The following NECTIN3 variants were observed in gnomAD, a reference collection of about 807,000 sequenced individuals.
The protein encoded by NECTIN3 is nectin-3.
Under a neutral mutation model 49.4 loss-of-function variants are expected in NECTIN3, and 8 were observed. The observed-to-expected ratio is 0.16, with a 90% CI of 0.10 to 0.29. NECTIN3 has a LOEUF of 0.29. Among genes scored for constraint, NECTIN3 ranks in the 10% least tolerant of loss-of-function variants. The probability of loss-of-function intolerance (pLI) is 1.00; values close to 1 mark genes in which losing one functional copy is unlikely to be tolerated. For synonymous variants in NECTIN3, 277 were observed against 241.1 expected (o/e 1.15, Z -1.38); for missense variants, 581 against 654.6 (o/e 0.89, Z 1.23).
intron 1 of NECTIN3, among the ~76,000 whole-genome samples, chr3:111,098,050 T>C (rs2032690948): frequency 6.6e-6 from 1 of 152,196 alleles, no homozygotes; most frequent in Non-Finnish European, 1.5e-5. Flanking sequence ...ATTCTTCCTT[T>C]TCTAGATGAG....
chr3:111,166,850 T>G lies in NECTIN3; in HGVS notation c.1221+19366T>G, dbSNP rs940231432. On this transcript the variant is annotated intron_variant, in intron 7 of 8. Coordinates refer to the NECTIN3 transcript ENST00000493615. ...ACTAAAACTATATACTATGTATATG[T>G]GAATACATGTAATGTAGGAATAATA... is the stretch of plus-strand genomic sequence containing the variant. Among the ~76,000 whole-genome samples, 5 of 152,358 alleles carry G rather than the reference T, an allele frequency of 3.3e-5. No individual in the cohort carries two copies. The East Asian group carries it at 9.6e-4, about 29-fold the overall frequency.
At position 111,072,268 on chromosome 3, in the gene NECTIN3, C is replaced by T. The variant is rs1352270025; in HGVS notation, c.160+91C>T. 5 of 1,459,742 alleles carry T rather than the reference C, an allele frequency of 3.4e-6. No individual in the cohort carries two copies. The South Asian group carries it at 4.1e-5, about 12-fold the overall frequency. 90.4% of individuals were successfully genotyped at this position (1,459,742 alleles called of 1,614,324 possible). A position where few individuals can be genotyped will look rare whatever the true frequency, so the allele number is the denominator to read the frequency against. ...CGGCTCTGCCAGCCGTTCTCTGGAGCAGCGAGGCGGTTGGTTGTGCGAGCG... is the reference window on the plus strand; with the variant it reads ...CGGCTCTGCCAGCCGTTCTCTGGAGTAGCGAGGCGGTTGGTTGTGCGAGCG... On this transcript the variant is annotated intron_variant, in intron 1 of 5. Coordinates refer to ENST00000485303, the MANE Select transcript of NECTIN3 (RefSeq NM_015480.3).
At chr3:111,157,099 A>C (rs944911979) in intron 7 of NECTIN3, among the ~76,000 whole-genome samples, 3 of 152,150 alleles carry the variant, frequency 2.0e-5, no homozygotes, top group Non-Finnish European at 4.4e-5. Context: ...ATTCAGACTA[A>C]ACAGCATTTT....
intron 1 of NECTIN3, among the ~76,000 whole-genome samples, chr3:111,105,583 A>G (rs1379130125): frequency 6.6e-6 from 1 of 152,170 alleles, no homozygotes; most frequent in Non-Finnish European, 1.5e-5. Flanking sequence ...CCCTTTTCAT[A>G]GTAGCTTTAT....
At chr3:111,117,701 G>GA (rs567398272) in intron 2 of NECTIN3, among the ~76,000 whole-genome samples, 3,759 of 147,448 alleles carry the variant, frequency 0.025, 53 homozygotes, top group Non-Finnish European at 0.031. Context: ...TCCTGGAAAT[G>GA]AAAAAAAAAA....
At chr3:111,090,849 T>A (rs2032225133) in intron 1 of NECTIN3, among the ~76,000 whole-genome samples, 1 of 147,418 alleles carries the variant, frequency 6.8e-6, no homozygotes, top group Admixed American at 6.8e-5. Context: ...GTGGTTTTTG[T>A]CATTAAAACC....
chr3:111,080,811 C>A (rs1243145371), intron 1 of NECTIN3, among the ~76,000 whole-genome samples: 1 of 152,060 alleles, frequency 6.6e-6, no homozygotes, highest in Non-Finnish European at 1.5e-5. Context: ...AGCTTATGAA[C>A]TCATTAATAC....
intron 5 of NECTIN3, among the ~76,000 whole-genome samples, chr3:111,129,392 G>C (rs2034294124): frequency 6.6e-6 from 1 of 151,794 alleles, no homozygotes; most frequent in African/African-American, 2.4e-5. Flanking sequence ...TTTACCCTCA[G>C]AACGTAAGTC....
chr3:111,164,217 A>C (rs560082196), intron 7 of NECTIN3, among the ~76,000 whole-genome samples: 1 of 152,172 alleles, frequency 6.6e-6, no homozygotes, highest in Non-Finnish European at 1.5e-5. Context: ...GTCATCTTTT[A>C]AAAGTCTGGT....
chr3:111,123,679 T>G (rs1286040009), intron 4 of NECTIN3, among the ~76,000 whole-genome samples: 1 of 152,196 alleles, frequency 6.6e-6, no homozygotes, highest in African/African-American at 2.4e-5. Context: ...CTTCTAGTTT[T>G]CTGAGGTACA....
Position 111,137,014 on chromosome 3 carries a change from G to A in NECTIN3, c.*2799G>A. The A allele has an allele frequency of 1.0e-6, 1 of 975,182 alleles. No individual in the cohort carries two copies. The highest frequency in any genetic ancestry group is 1.1e-4 in the East Asian group (1 of 8,742). 60.4% of individuals were successfully genotyped at this position (975,182 alleles called of 1,614,324 possible). On this transcript the variant is annotated 3_prime_UTR_variant, in exon 6 of 6. Transcript: ENST00000485303. ...ATTAAGGTTTTCAGTAGTAAGTGTT[G>A]CTTCTAATAGCCATATACAGGAAAG...
At chr3:111,072,567 C>G in intron 1 of NECTIN3, 1 of 1,535,472 alleles carries the variant, frequency 6.5e-7, no homozygotes, top group Non-Finnish European at 8.7e-7. Flanking sequence ...GAAACTTGAG[C>G]TGTGAGCCCA....
chr3:111,142,055 G>T (rs1021958877), downstream of NECTIN3, among the ~76,000 whole-genome samples: 1 of 151,842 alleles, frequency 6.6e-6, no homozygotes, highest in East Asian at 1.9e-4. Context: ...GCTGAGATAT[G>T]TGCGAAACAG....
At chr3:111,166,009 A>C (rs1308207717) in intron 7 of NECTIN3, among the ~76,000 whole-genome samples, 1 of 152,184 alleles carries the variant, frequency 6.6e-6, no homozygotes, top group Non-Finnish European at 1.5e-5. Flanking sequence ...GTTATGCTGC[A>C]AGAAACCAAC....
chr3:111,127,079 T>G (rs1190814176), intron 5 of NECTIN3, among the ~76,000 whole-genome samples: 1 of 152,196 alleles, frequency 6.6e-6, no homozygotes, highest in East Asian at 1.9e-4. Flanking sequence ...CCTTACTGAT[T>G]ACAAGAATGT....
chr3:111,149,636 A>G, intron 7 of NECTIN3, among the ~76,000 whole-genome samples: 1 of 151,902 alleles, frequency 6.6e-6, no homozygotes, highest in Non-Finnish European at 1.5e-5. Flanking sequence ...GCATATAGAA[A>G]TGCCTGTTTA....
upstream of NECTIN3, among the ~76,000 whole-genome samples, chr3:111,192,145 T>C (rs922199165): frequency 6.6e-6 from 1 of 152,200 alleles, no homozygotes; most frequent in Non-Finnish European, 1.5e-5. Flanking sequence ...TATTTTCTTC[T>C]TTCCAGAAGT....
chr3:111,175,822 C>G (rs2035517528), intron 7 of NECTIN3, among the ~76,000 whole-genome samples: 1 of 152,164 alleles, frequency 6.6e-6, no homozygotes, highest in South Asian at 2.1e-4. Flanking sequence ...CAGGGTCACC[C>G]AGAGGGTGGG....
intron 5 of NECTIN3, among the ~76,000 whole-genome samples, chr3:111,131,737 G>T (rs1289378173): frequency 6.6e-6 from 1 of 151,710 alleles, no homozygotes; most frequent in Non-Finnish European, 1.5e-5. Flanking sequence ...AAATGTCAGG[G>T]TTTCATTATT....
Sources: gnomAD v4.1 joint callset for allele counts (sites outside exome capture counted in the v4.1 genomes callset) on GRCh38, gnomAD v4.1.1 for gene constraint, MANE v1.5 for transcripts, NCBI Gene and HGNC (gene_info 2026-07-23, HGNC 2026-07-21) for gene names.